The following CDH20 variants were observed in gnomAD, a reference collection of about 807,000 sequenced individuals.
The protein encoded by CDH20 is cadherin 20, also known as cadherin-20.
In CDH20, 29 loss-of-function variants were observed where a neutral mutation model predicts 74.2. The ratio of observed to expected loss-of-function variants is 0.39; its 90% CI spans 0.29 to 0.53. CDH20 has a LOEUF of 0.53. Ranked by LOEUF, CDH20 falls within the 20% of genes least tolerant of loss-of-function variation. CDH20 has a pLI of 0.69. For synonymous variants in CDH20, 469 were observed against 405.4 expected (o/e 1.16, Z -1.88); for missense variants, 988 against 1,048.3 (o/e 0.94, Z 0.79).
At chr18:61,441,117 A>C (rs1407237251) in intron 1 of CDH20, among the ~76,000 whole-genome samples, 4 of 152,122 alleles carry the variant, frequency 2.6e-5, no homozygotes, top group African/African-American at 9.7e-5. Context: ...ACCTTCAAAA[A>C]CTGATTGATC....
chr18:61,515,914 A>C (rs1911985395), intron 6 of CDH20, among the ~76,000 whole-genome samples: 1 of 127,092 alleles, frequency 7.9e-6, no homozygotes, highest in Non-Finnish European at 1.6e-5. Flanking sequence ...TGTACCCTAA[A>C]ACTTAAAGTA....
chr18:61,466,116 A>G (rs116879042), intron 1 of CDH20, among the ~76,000 whole-genome samples: 2,702 of 150,976 alleles, frequency 0.018, 44 homozygotes, highest in Non-Finnish European at 0.03. Context: ...CTATTTATAT[A>G]TATAGCTTAA....
chr18:61,539,924 A>T (rs2144394641), intron 9 of CDH20, among the ~76,000 whole-genome samples: 1 of 152,304 alleles, frequency 6.6e-6, no homozygotes, highest in Admixed American at 6.5e-5. Context: ...ATATACCTCC[A>T]TAATCTTCAG....
chr18:61,516,350 CAT>C (rs1254252707), intron 6 of CDH20, among the ~76,000 whole-genome samples: 2 of 152,142 alleles, frequency 1.3e-5, no homozygotes, highest in African/African-American at 4.8e-5. Context: ...CTGACTAAGT[CAT>C]AGCTTTTGCC....
chr18:61,404,790 T>C (rs530935025), intron 1 of CDH20: 16 of 305,254 alleles, frequency 5.2e-5, no homozygotes, highest in African/African-American at 4.7e-4. Context: ...TAAAAAAAAA[T>C]TGTCAACTTT....
At position 61,490,817 on chromosome 18, in the gene CDH20, G is replaced by C; in HGVS notation, c.246+18G>C. On this transcript the variant is annotated intron_variant, in intron 2 of 11. Transcript: ENST00000262717. The stretch of plus-strand genomic sequence containing the variant: ...TCGGCAAGGTAAGAAATGCCAAGTA[G>C]AAATGACCCGGGTATTGGATATTGA... The C allele has an allele frequency of 6.2e-7, 1 of 1,613,146 alleles. No homozygotes were observed. The highest frequency in any genetic ancestry group is 8.5e-7 in the Non-Finnish European group (1 of 1,179,180).
chr18:61,356,010 C>G (rs1442439351), intron 1 of CDH20, among the ~76,000 whole-genome samples: 1 of 152,200 alleles, frequency 6.6e-6, no homozygotes, highest in Non-Finnish European at 1.5e-5. Context: ...CATTCTTCAT[C>G]ATTCAAGAAA....
chr18:61,348,859 T>C (rs964747474), intron 1 of CDH20, among the ~76,000 whole-genome samples: 1 of 152,158 alleles, frequency 6.6e-6, no homozygotes, highest in African/African-American at 2.4e-5. Context: ...TAACTACATT[T>C]TATTTTTATT....
intron 7 of CDH20, among the ~76,000 whole-genome samples, chr18:61,531,848 A>T (rs1384974158): frequency 1.3e-5 from 2 of 152,122 alleles, no homozygotes; most frequent in African/African-American, 4.8e-5. Context: ...TCCTACCACC[A>T]TGTGAAGGAC....
intron 1 of CDH20, among the ~76,000 whole-genome samples, chr18:61,455,358 T>C (rs910060444): frequency 6.6e-6 from 1 of 152,170 alleles, no homozygotes; most frequent in Non-Finnish European, 1.5e-5. Flanking sequence ...ATACAATTGA[T>C]GGGTAAAATT....
At chr18:61,474,190 C>T (rs1053741172) in intron 1 of CDH20, among the ~76,000 whole-genome samples, 1 of 152,158 alleles carries the variant, frequency 6.6e-6, no homozygotes, top group Non-Finnish European at 1.5e-5. Flanking sequence ...TTCTAAATCT[C>T]CCTAAGCAAC....
intron 10 of CDH20, 73 bp downstream of exon 10, chr18:61,545,217 G>A: frequency 1.1e-6 from 1 of 898,606 alleles, no homozygotes; most frequent in Non-Finnish European, 1.9e-6. Flanking sequence ...ACTGTCTTAT[G>A]CAAACAGTGT....
At chr18:61,433,212 C>A (rs1908713179) in intron 1 of CDH20, among the ~76,000 whole-genome samples, 1 of 152,016 alleles carries the variant, frequency 6.6e-6, no homozygotes. Flanking sequence ...TATATATCAC[C>A]AATCACCATG....
intron 1 of CDH20, among the ~76,000 whole-genome samples, chr18:61,366,126 T>C (rs1371425532): frequency 3.3e-5 from 5 of 152,204 alleles, no homozygotes; most frequent in African/African-American, 7.2e-5. Context: ...AATGCTGAAC[T>C]CTCAAATTTC....
At chr18:61,400,476 G>A (rs923175557) in intron 1 of CDH20, among the ~76,000 whole-genome samples, 12 of 152,180 alleles carry the variant, frequency 7.9e-5, no homozygotes, top group African/African-American at 2.2e-4. Context: ...TCACATAACT[G>A]AGATTATGTG....
At chr18:61,475,033 G>A (rs1296884983) in intron 1 of CDH20, among the ~76,000 whole-genome samples, 1 of 151,556 alleles carries the variant, frequency 6.6e-6, no homozygotes, top group African/African-American at 2.4e-5. Flanking sequence ...GTCAAGTATA[G>A]ATTTTATCAG....
chr18:61,358,860 A>T (rs1389767204), intron 1 of CDH20, among the ~76,000 whole-genome samples: 3 of 152,074 alleles, frequency 2.0e-5, no homozygotes, highest in Non-Finnish European at 2.9e-5. Context: ...TATTCACTGG[A>T]CTTTTGGTTT....
chr18:61,510,672 C>T (rs1233596121), intron 6 of CDH20, among the ~76,000 whole-genome samples: 1 of 152,136 alleles, frequency 6.6e-6, no homozygotes, highest in African/African-American at 2.4e-5. Context: ...AGAAATCTTT[C>T]TATCCTGTAA....
intron 1 of CDH20, among the ~76,000 whole-genome samples, chr18:61,479,447 T>C (rs1910508842): frequency 6.6e-6 from 1 of 152,218 alleles, no homozygotes; most frequent in Non-Finnish European, 1.5e-5. Context: ...TTTACACATA[T>C]TCCCATCCAC....
Sources: gnomAD v4.1 joint callset for allele counts (sites outside exome capture counted in the v4.1 genomes callset) on GRCh38, gnomAD v4.1.1 for gene constraint, MANE v1.5 for transcripts, NCBI Gene and HGNC (gene_info 2026-07-23, HGNC 2026-07-21) for gene names.